CFI: variants seen among roughly 807,000 people sequenced by gnomAD.
The protein encoded by CFI is C3B/C4B inactivator.
In CFI, 66 loss-of-function variants were observed where a neutral mutation model predicts 78.8. That is an observed-to-expected ratio of 0.84 (90% confidence interval 0.69 to 1.03). CFI has a LOEUF of 1.03. CFI is among the 50% of genes least tolerant of loss of function. The pLI is 0.00. For missense variants in CFI, 706 were observed against 704.5 expected, an observed-to-expected ratio of 1.00 and a Z score of -0.02; for synonymous variants, 250 against 232.6, an observed-to-expected ratio of 1.07 and a Z score of -0.68.
intron 1 of CFI, among the ~76,000 whole-genome samples, chr4:109,796,744 G>T (rs1032635943): frequency 1.3e-5 from 2 of 152,172 alleles, no homozygotes; most frequent in African/African-American, 4.8e-5. Context: ...ACTGCAGTGG[G>T]CTATAATTTG....
At chr4:109,775,796 G>A (rs1560554355) in intron 1 of CFI, among the ~76,000 whole-genome samples, 1 of 152,142 alleles carries the variant, frequency 6.6e-6, no homozygotes, top group Non-Finnish European at 1.5e-5. Flanking sequence ...CTGAGACGAA[G>A]CTTCCAGAGG....
intron 6 of CFI, among the ~76,000 whole-genome samples, chr4:109,758,821 A>G (rs1306923907): frequency 6.6e-6 from 1 of 152,226 alleles, no homozygotes; most frequent in Non-Finnish European, 1.5e-5. Flanking sequence ...GGCCGGGCAC[A>G]GTGGCTCATG....
chr4:109,763,296 A>G (rs1183102171), intron 3 of CFI, among the ~76,000 whole-genome samples: 2 of 152,120 alleles, frequency 1.3e-5, no homozygotes, highest in Non-Finnish European at 2.9e-5. Flanking sequence ...TCCTAAATCA[A>G]TGATTTATGG....
intron 7 of CFI, among the ~76,000 whole-genome samples, chr4:109,756,920 A>G (rs958616839): frequency 2.1e-5 from 3 of 141,074 alleles, no homozygotes; most frequent in African/African-American, 5.3e-5. Context: ...AAAGAAAGAA[A>G]GAAAGAAAGA....
chr4:109,795,537 T>C (rs904265351), intron 1 of CFI, among the ~76,000 whole-genome samples: 1 of 152,122 alleles, frequency 6.6e-6, no homozygotes, highest in African/African-American at 2.4e-5. Flanking sequence ...TACAAATTGC[T>C]TGACAAAGAA....
At chr4:109,797,762 T>C (rs1579327695) in intron 1 of CFI, among the ~76,000 whole-genome samples, 2 of 152,292 alleles carry the variant, frequency 1.3e-5, no homozygotes, top group Non-Finnish European at 2.9e-5. Context: ...AGGAGCTGAA[T>C]AGACATTTCT....
rs1561291992 is a variant in CFI, at chr4:109,752,954, C to CT, written c.905-452_905-451insA. Among the ~76,000 whole-genome samples, 43 of 26,854 alleles carry CT rather than the reference C, an allele frequency of 1.6e-3. 5 individuals are homozygous for CT. The highest frequency in any genetic ancestry group is 4.4e-3 in the African/African-American group (38 of 8,564). 17.6% of individuals were successfully genotyped at this position (26,854 alleles called of 152,430 possible). The stretch of plus-strand genomic sequence containing the variant: ...ATTATATAAATAAATATTTATAATA[C>CT]ATATTTATTATATATTTATTATATG... On this transcript the variant is annotated intron_variant, in intron 7 of 12. Transcript: ENST00000394634.
intron 1 of CFI, among the ~76,000 whole-genome samples, chr4:109,768,477 T>A (rs1728104776): frequency 6.6e-6 from 1 of 152,154 alleles, no homozygotes; most frequent in Non-Finnish European, 1.5e-5. Context: ...TAATATCTCC[T>A]ATTTTGCAAG....
At position 109,749,491 on chromosome 4, in the gene CFI, G is replaced by C. The variant is rs190420174; in HGVS notation, c.1044+8C>G. On this transcript the variant is annotated splice_region_variant and intron_variant, in intron 9 of 12. Coordinates refer to ENST00000394634, the MANE Select transcript of CFI (RefSeq NM_000204.5). Reference sequence around the variant, plus strand: ...GCAGTTGCATTGTGACTTTTCATGCGACTTTACCAGTTGTGCTCGCTTTCC... The same window carrying C: ...GCAGTTGCATTGTGACTTTTCATGCCACTTTACCAGTTGTGCTCGCTTTCC... 4 of 1,605,672 alleles carry C rather than the reference G, an allele frequency of 2.5e-6. No homozygotes were observed. In the South Asian group the frequency reaches 3.3e-5, roughly 13 times the overall value.
At chr4:109,752,531 T>A in intron 7 of CFI, 28 bp from the exon 8 acceptor site, 1 of 1,576,618 alleles carries the variant, frequency 6.3e-7, no homozygotes, top group South Asian at 1.1e-5. Context: ...ATTCCAATGT[T>A]TAAAGTTGTT....
intron 1 of CFI, among the ~76,000 whole-genome samples, chr4:109,779,161 G>T (rs1016907535): frequency 5.3e-5 from 8 of 151,986 alleles, no homozygotes; most frequent in African/African-American, 1.5e-4. Flanking sequence ...AGAAATAAAG[G>T]GTATTCAATT....
At chr4:109,786,239 C>T (rs182675466) in intron 1 of CFI, among the ~76,000 whole-genome samples, 2 of 152,138 alleles carry the variant, frequency 1.3e-5, no homozygotes, top group East Asian at 3.9e-4. Context: ...CCATAATGGC[C>T]AGGCTGGTCT....
chr4:109,754,024 C>T (rs1199461048), intron 7 of CFI, among the ~76,000 whole-genome samples: 2 of 150,168 alleles, frequency 1.3e-5, no homozygotes, highest in Non-Finnish European at 3.0e-5. Context: ...CACTCTGTTG[C>T]CCAGACTGGA....
At chr4:109,801,856 G>A (rs1287837499) in intron 1 of CFI, 59 bp downstream of exon 1, 7 of 1,166,350 alleles carry the variant, frequency 6.0e-6, no homozygotes, top group Non-Finnish European at 3.8e-6. Flanking sequence ...TATTTTCTAT[G>A]TTTTTACAAC....
chr4:109,771,861 T>G (rs888191735), intron 1 of CFI, among the ~76,000 whole-genome samples: 3 of 151,640 alleles, frequency 2.0e-5, no homozygotes, highest in Non-Finnish European at 4.4e-5. Context: ...GATTTCATCA[T>G]GGTTATAGGC....
downstream of CFI, among the ~76,000 whole-genome samples, chr4:109,737,064 C>A (rs1272483352): frequency 6.6e-6 from 1 of 152,080 alleles, no homozygotes; most frequent in Non-Finnish European, 1.5e-5. Context: ...TCCTTTTTAT[C>A]CCTGCTTTAG....
intron 1 of CFI, among the ~76,000 whole-genome samples, chr4:109,777,271 G>A (rs1401896221): frequency 6.6e-6 from 1 of 152,102 alleles, no homozygotes; most frequent in African/African-American, 2.4e-5. Context: ...ATAAAGGGAT[G>A]GAGGAAGATC....
Position 109,746,381 on chromosome 4 carries a change from C to T in CFI, c.1270G>A (p.Gly424Ser), listed in dbSNP as rs748063552. Residue 424 changes from glycine to serine, a missense_variant, in exon 11 of 13, where the codon GGC becomes AGC. Physicochemically the swap from Gly to Ser is moderately conservative, Grantham distance 56. Transcript: ENST00000394634. ...RIIFHENYNAGTYQNDIALIE... is the reference protein window; with the variant it reads ...RIIFHENYNASTYQNDIALIE... ...AAAGCGATGTCATTTTGGTAAGTGC[C>T]TGCATTGTAGTTTTCATGGAAAATA... 2.5e-6 allele frequency: 4 copies of T among 1,614,072 alleles called. No individual in the cohort carries two copies. The highest frequency in any genetic ancestry group is 1.3e-5 in the African/African-American group (1 of 75,022).
At position 109,764,581 on chromosome 4, in the gene CFI, G is replaced by T. The variant is rs998481827; in HGVS notation, c.438C>A (p.Ser146Arg). Residue 146 changes from serine (S) to arginine (R), a missense_variant, in exon 3 of 13, where the codon AGC becomes AGA. By Grantham distance (110) the Ser-to-Arg change is moderately radical. Transcript: ENST00000394634. ...KTMFICKSSW[S>R]MREANVACLD... ...GGCAGGCCACGTTGGCTTCCCTCAT[G>T]CTCCAGCTGCTTTTGCATATGAACA... 13 of 1,613,974 alleles carry T rather than the reference G, an allele frequency of 8.1e-6. No homozygotes were observed. The highest frequency in any genetic ancestry group is 1.1e-5 in the Non-Finnish European group (13 of 1,180,014).
Sources: allele counts gnomAD v4.1 joint callset (sites outside exome capture counted in the v4.1 genomes callset), GRCh38; gene constraint gnomAD v4.1.1; transcripts MANE v1.5; gene names NCBI Gene and HGNC (gene_info 2026-07-23, HGNC 2026-07-21).